Variants in MYH14 observed in about 807,000 individuals in gnomAD.
The protein encoded by MYH14 is myosin-14.
A neutral mutation model predicts 255.5 loss-of-function variants in MYH14; 123 were observed. The ratio of observed to expected loss-of-function variants is 0.48; its 90% confidence interval spans 0.42 to 0.56. MYH14 has a LOEUF of 0.56. Among genes scored for constraint, MYH14 ranks in the 20% least tolerant of loss-of-function variants. The pLI, the probability that MYH14 is intolerant of heterozygous loss-of-function variation, is 0.00. For synonymous variants in MYH14, 1,095 were observed against 1,161.2 expected, an observed-to-expected ratio of 0.94 and a Z score of 1.16; for missense variants, 2,423 against 2,802.3, an observed-to-expected ratio of 0.86 and a Z score of 3.06.
intron 3 of MYH14, among the ~76,000 whole-genome samples, chr19:50,219,233 C>T (rs1423996070): frequency 7.3e-5 from 11 of 151,306 alleles, no homozygotes; most frequent in African/African-American, 2.7e-4. Context: ...GTGAATTGTG[C>T]TGCTATAAAC....
At chr19:50,253,531 G>A (rs960533225) in intron 16 of MYH14, among the ~76,000 whole-genome samples, 4 of 152,052 alleles carry the variant, frequency 2.6e-5, no homozygotes, top group African/African-American at 9.7e-5. Flanking sequence ...TCAACTTTTA[G>A]GCTTTGCTTT....
chr19:50,236,836 CTG>C (rs1459048230), intron 10 of MYH14, among the ~76,000 whole-genome samples: 1 of 152,166 alleles, frequency 6.6e-6, no homozygotes, highest in Non-Finnish European at 1.5e-5. Context: ...CCTATTTAAA[CTG>C]TGCAATTCCA....
At chr19:50,305,117 CT>C (rs2036612462) in intron 40 of MYH14, among the ~76,000 whole-genome samples, 1 of 151,892 alleles carries the variant, frequency 6.6e-6, no homozygotes, top group Non-Finnish European at 1.5e-5. Flanking sequence ...AGGCTGTGGG[CT>C]GGGGAGGGAC....
At chr19:50,238,980 CCTT>C (rs1186203367) in intron 10 of MYH14, among the ~76,000 whole-genome samples, 1 of 152,116 alleles carries the variant, frequency 6.6e-6, no homozygotes, top group African/African-American at 2.4e-5. Flanking sequence ...AGTCCACAGA[CCTT>C]AGGCCAGTTG....
intron 1 of MYH14, among the ~76,000 whole-genome samples, chr19:50,206,147 C>T (rs1568457362): frequency 6.6e-6 from 1 of 151,670 alleles, no homozygotes; most frequent in Non-Finnish European, 1.5e-5. Context: ...CTTCAGAACT[C>T]AGCATCCTCA....
At chr19:50,270,686 T>G (rs1017707580) in intron 24 of MYH14, among the ~76,000 whole-genome samples, 1 of 112,460 alleles carries the variant, frequency 8.9e-6, no homozygotes, top group Admixed American at 1.1e-4. Flanking sequence ...TTTTTAAAAT[T>G]ATTTATTATT....
At position 50,250,490 on chromosome 19, in the gene MYH14, C is replaced by T. The variant is rs2034328530; in HGVS notation, c.1657-25C>T. On this transcript the variant is annotated intron_variant, in intron 14 of 42. Transcript: ENST00000642316. This position sits in a 1 kb window ranked among gnomAD's most constrained non-coding sequence, Gnocchi z 5.4. ...GTCCAATATGTGGGGATCTGACTTA[C>T]TCTCCCCCTGCTGTCAATGGCCAGG... 1 of 1,605,816 alleles carries T rather than the reference C, an allele frequency of 6.2e-7. No individual in the cohort carries two copies. Among genetic ancestry groups the T allele is most frequent in the Non-Finnish European group, 8.5e-7 (1 of 1,175,814 alleles).
intron 11 of MYH14, among the ~76,000 whole-genome samples, chr19:50,246,111 T>TTC (rs1568493747): frequency 1.4e-4 from 15 of 106,264 alleles, no homozygotes; most frequent in Non-Finnish European, 2.2e-4. Flanking sequence ...TCCCTTCCTT[T>TTC]CTTCCTTCCT....
chr19:50,264,052 T>A (rs1184460461), intron 22 of MYH14, among the ~76,000 whole-genome samples: 1 of 24,324 alleles, frequency 4.1e-5, no homozygotes, highest in African/African-American at 1.8e-4. Context: ...CAAAACTCTG[T>A]CTCAAAAAAA....
At chr19:50,237,288 A>G (rs542676912) in intron 10 of MYH14, among the ~76,000 whole-genome samples, 3 of 151,166 alleles carry the variant, frequency 2.0e-5, no homozygotes, top group Admixed American at 2.0e-4. Context: ...CTTGTGTTTC[A>G]TCTCTCCCCA....
In MYH14 at chr19:50,245,436, GAAGAAAGAAAGAAA is replaced by G. The variant is rs1301591555; in HGVS notation, c.1210+1105_1210+1118del. On this transcript the variant is annotated intron_variant, in intron 11 of 42. Coordinates refer to ENST00000642316, the MANE Select transcript of MYH14 (RefSeq NM_001145809.2). ...ATCTGTCTCCAAAAAAAAAAAAGAA[GAAGAAAGAAAGAAA>G]AAGAAGAAGAAAGAAAGAAAAAGAA... is the stretch of plus-strand genomic sequence containing the variant. 5.3e-4 allele frequency among the ~76,000 whole-genome samples: 68 copies of G among 128,308 alleles called. 2 individuals are homozygous for G. The South Asian group carries it at 0.014, about 27-fold the overall frequency. The allele number at this position is 128,308 out of a possible 152,430, so 84.2% of individuals were successfully genotyped here. A position where few individuals can be genotyped will look rare whatever the true frequency, so the allele number is the denominator to read the frequency against.
Position 50,230,679 on chromosome 19 carries a change from C to A in MYH14, c.973+56C>A. 2 of 1,481,316 alleles carry A rather than the reference C, an allele frequency of 1.4e-6. No individual in the cohort carries two copies. The highest frequency in any genetic ancestry group is 2.0e-5 in the Admixed American group (1 of 49,816). The allele number at this position is 1,481,316 out of a possible 1,614,324, so 91.8% of individuals were successfully genotyped here. A position where few individuals can be genotyped will look rare whatever the true frequency, so the allele number is the denominator to read the frequency against. ...CCGGGAGAGGGTGGGCACCATGTCT[C>A]TCGGGGGCCCCTTCTGGGGAGGAAG... On this transcript the variant is annotated intron_variant, in intron 9 of 42. Transcript: ENST00000642316. This position sits in a 1 kb window ranked among gnomAD's most constrained non-coding sequence, Gnocchi z 4.7.
chr19:50,217,594 C>T (rs1320069245), intron 2 of MYH14, 21 bp from the exon 3 acceptor site: 1 of 1,613,912 alleles, frequency 6.2e-7, no homozygotes, highest in Non-Finnish European at 8.5e-7. Context: ...CTGAGACCCT[C>T]TCCCCTCTCA....
At chr19:50,308,674 C>A in intron 41 of MYH14, 1 of 304,018 alleles carries the variant, frequency 3.3e-6, no homozygotes, top group Non-Finnish European at 6.1e-6. Flanking sequence ...CCCTGTGGGG[C>A]CTGGAATGCC....
intron 27 of MYH14, among the ~76,000 whole-genome samples, chr19:50,273,893 A>G (rs2035409818): frequency 6.6e-6 from 1 of 151,968 alleles, no homozygotes. Context: ...CGCTGAGGTT[A>G]GGATTATAGG....
At chr19:50,223,532 G>A (rs1046384591) in intron 5 of MYH14, among the ~76,000 whole-genome samples, 183 bp downstream of exon 5, 4 of 152,220 alleles carry the variant, frequency 2.6e-5, no homozygotes, top group African/African-American at 9.6e-5. Flanking sequence ...ACACAGAGGT[G>A]TGAGGGTCAG....
rs756687694 is a variant in MYH14 at position 50,307,071 on chromosome 19, C to T, written c.5701C>T (p.Leu1901=). 3.9e-6 allele frequency: 6 copies of T among 1,551,010 alleles called. No individual in the cohort carries two copies. The South Asian group carries it at 7.1e-5, about 18-fold the overall frequency. ...ETRERILSGK[L]VRRAEKRLKE... ...CAGAGAGCGCATCCTCTCTGGAAAG[C>T]TGGTGCGCAGAGCTGAGAAGCGGCT... is the stretch of plus-strand genomic sequence containing the variant. The change falls in exon 41 of 43, where the codon CTG becomes TTG. Residue 1901 remains leucine (L), a synonymous_variant. Transcript: ENST00000642316.
chr19:50,259,166 T>A lies in MYH14; in HGVS notation c.2255T>A (p.Leu752Gln). 1.3e-6 allele frequency: 2 copies of A among 1,560,534 alleles called. No homozygotes were observed. Among genetic ancestry groups the A allele is most frequent in the Middle Eastern group, 1.7e-4 (1 of 6,000 alleles). Residue 752 changes from leucine to glutamine, a missense_variant, in exon 19 of 43, where the codon CTG becomes CAG. Physicochemically the swap from Leu to Gln is moderately radical, Grantham distance 113. This residue lies in a region of MYH14 where 672 missense variants were observed against 881.8 expected (regional missense o/e 0.76). Transcript: ENST00000642316. ...EKRAGKLEPR[L>Q]VLDQLRCNGV... ...CAGGCCGGGAAGCTGGAGCCACGGC[T>A]GGTGCTGGACCAGCTTCGCTGCAAC...
rs1313764006 is a variant in MYH14, at chr19:50,271,402, A to G, written c.3034-7A>G. 2 of 1,596,984 alleles carry G rather than the reference A, an allele frequency of 1.3e-6. No homozygotes were observed. The highest frequency in any genetic ancestry group is 1.7e-5 in the Admixed American group (1 of 57,422). On this transcript the variant is annotated splice_region_variant and splice_polypyrimidine_tract_variant and intron_variant, in intron 24 of 42. Transcript: ENST00000642316. The stretch of plus-strand genomic sequence containing the variant: ...GTATCCTCACTCCTCCTGCCTTCCC[A>G]CCCCAGGAGCTAGAGGCCCACCTTG...
Sources: allele counts gnomAD v4.1 joint callset (sites outside exome capture counted in the v4.1 genomes callset), GRCh38; gene constraint gnomAD v4.1.1; regional missense constraint gnomAD v4.1.1; non-coding constraint Gnocchi (gnomAD v3.1); transcripts MANE v1.5; gene names NCBI Gene and HGNC (gene_info 2026-07-23, HGNC 2026-07-21).